Variants in STXBP5 observed in about 807,000 individuals in gnomAD.
STXBP5 encodes syntaxin-binding protein 5.
In STXBP5, 50 loss-of-function variants were observed where a neutral mutation model predicts 152.4. The observed-to-expected ratio is 0.33, with a 90% CI of 0.26 to 0.42. The LOEUF is 0.42. Ranked by LOEUF, STXBP5 falls within the 10% of genes least tolerant of loss-of-function variation. The pLI is 1.00. For missense variants in STXBP5, 1,167 were observed against 1,388.6 expected (o/e 0.84, Z 2.54); for synonymous variants, 492 against 494.7 (o/e 0.99, Z 0.07).
At position 147,262,296 on chromosome 6, in the gene STXBP5, T is replaced by G; in HGVS notation, c.573T>G (p.Ser191=). Residue 191 remains serine, a synonymous_variant, in exon 6 of 28, where the codon TCT becomes TCG. Coordinates refer to ENST00000321680, the MANE Select transcript of STXBP5 (RefSeq NM_001127715.4). ...CTAACTTTTTCTTTTTTAGGTCATCTAAATCTCACCCAGGACCTGTGGTCC... is the reference window on the plus strand; with the variant it reads ...CTAACTTTTTCTTTTTTAGGTCATCGAAATCTCACCCAGGACCTGTGGTCC... The part of the protein sequence containing the change: ...IMWNKAIELS[S]KSHPGPVVHI... 2 of 1,549,310 alleles carry G rather than the reference T, an allele frequency of 1.3e-6. No individual in the cohort carries two copies. The highest frequency in any genetic ancestry group is 1.7e-6 in the Non-Finnish European group (2 of 1,154,402).
chr6:147,308,318 G>A (rs981638501), intron 9 of STXBP5, among the ~76,000 whole-genome samples: 1 of 152,142 alleles, frequency 6.6e-6, no homozygotes, highest in African/African-American at 2.4e-5. Flanking sequence ...TGAATGTATG[G>A]ATATGGTTCT....
At chr6:147,379,260 G>C (rs970244041) in intron 26 of STXBP5, among the ~76,000 whole-genome samples, 3 of 152,080 alleles carry the variant, frequency 2.0e-5, no homozygotes, top group Non-Finnish European at 2.9e-5. Flanking sequence ...CCAGGGATTA[G>C]AATGTAGCCA....
At chr6:147,278,495 A>T (rs754431841) in intron 8 of STXBP5, among the ~76,000 whole-genome samples, 2 of 152,198 alleles carry the variant, frequency 1.3e-5, no homozygotes, top group Non-Finnish European at 2.9e-5. Flanking sequence ...TAGTTTTGTG[A>T]ATGAAAATGA....
chr6:147,264,990 A>G lies in STXBP5; in HGVS notation c.631-2094A>G, dbSNP rs545076702. 3.1e-4 allele frequency among the ~76,000 whole-genome samples: 47 copies of G among 152,086 alleles called. 1 individual carries two copies. Among genetic ancestry groups the G allele is most frequent in the Non-Finnish European group, 4.6e-4 (31 of 67,982 alleles). On this transcript the variant is annotated intron_variant, in intron 6 of 27. Coordinates refer to ENST00000321680, the MANE Select transcript of STXBP5 (RefSeq NM_001127715.4). Reference sequence around the variant, plus strand: ...ATATGGCTATTAAGTGGCAGATTTAATACTAGAACTCAGGTTACTTAGGTC... The same window carrying G: ...ATATGGCTATTAAGTGGCAGATTTAGTACTAGAACTCAGGTTACTTAGGTC...
chr6:147,285,746 T>C (rs1041084258), intron 8 of STXBP5, among the ~76,000 whole-genome samples: 3 of 152,172 alleles, frequency 2.0e-5, no homozygotes, highest in South Asian at 2.1e-4. Context: ...TTTTGCAAGA[T>C]ATAGAAGCTC....
intron 4 of STXBP5, 29 bp downstream of exon 4, chr6:147,239,299 T>C (rs1381873732): frequency 8.3e-6 from 13 of 1,572,662 alleles, no homozygotes; most frequent in East Asian, 2.2e-5. Flanking sequence ...ATCTTATGTA[T>C]AGGATATTTA....
At chr6:147,224,000 T>G (rs1777585883) in intron 2 of STXBP5, among the ~76,000 whole-genome samples, 1 of 152,206 alleles carries the variant, frequency 6.6e-6, no homozygotes, top group African/African-American at 2.4e-5. Flanking sequence ...ACGTGAAATA[T>G]TTGGAAAGGA....
chr6:147,300,470 C>T (rs572814030), intron 9 of STXBP5, among the ~76,000 whole-genome samples: 1 of 152,082 alleles, frequency 6.6e-6, no homozygotes, highest in East Asian at 1.9e-4. Flanking sequence ...GATGCATAGA[C>T]CAATGGTGTG....
chr6:147,249,369 G>T (rs1323408260), intron 4 of STXBP5, among the ~76,000 whole-genome samples: 2 of 152,292 alleles, frequency 1.3e-5, no homozygotes, highest in Admixed American at 1.3e-4. Flanking sequence ...GAACCTGGAA[G>T]AATTTCGAGG....
intron 26 of STXBP5, among the ~76,000 whole-genome samples, chr6:147,378,015 CAATG>C (rs1282327653): frequency 1.3e-5 from 2 of 152,040 alleles, no homozygotes; most frequent in African/African-American, 2.4e-5. Context: ...CCAATTATAA[CAATG>C]AAAGTCGACA....
At chr6:147,305,819 C>T (rs1024168254) in intron 9 of STXBP5, among the ~76,000 whole-genome samples, 4 of 151,966 alleles carry the variant, frequency 2.6e-5, no homozygotes, top group South Asian at 2.1e-4. Context: ...AGGTAGCTCT[C>T]AAGAGCTAAG....
intron 21 of STXBP5, among the ~76,000 whole-genome samples, chr6:147,346,874 T>C (rs1168528875): frequency 6.6e-6 from 1 of 152,166 alleles, no homozygotes; most frequent in Non-Finnish European, 1.5e-5. Flanking sequence ...ACAGCAGGCT[T>C]TCCAGGACTG....
At position 147,204,668 on chromosome 6, in the gene STXBP5, T is replaced by G; in HGVS notation, c.136T>G (p.Phe46Val). The G allele has an allele frequency of 6.2e-7, 1 of 1,602,952 alleles. No homozygotes were observed. The highest frequency in any genetic ancestry group is 1.3e-5 in the African/African-American group (1 of 74,408). Reference protein sequence around the residue: ...EIQETLQSEHFQLCKTVRHGF... With the variant: ...EIQETLQSEHVQLCKTVRHGF... ...CCAGGAAACGCTCCAGTCCGAGCACTTTCAGCTCTGCAAGGTGAACGGAGC... is the reference window on the plus strand; with the variant it reads ...CCAGGAAACGCTCCAGTCCGAGCACGTTCAGCTCTGCAAGGTGAACGGAGC... The change falls in exon 1 of 28, where the codon TTT becomes GTT. Residue 46 changes from phenylalanine to valine, a missense_variant. By Grantham distance (50) the Phe-to-Val change is conservative. Around this residue, in one of 3 missense-constraint regions of STXBP5, gnomAD observed 310 missense variants for 346.1 expected, o/e 0.90. Transcript: ENST00000321680. This position sits in a 1 kb window ranked among gnomAD's most constrained non-coding sequence, Gnocchi z 4.3.
At chr6:147,375,251 A>G (rs1785752667) in intron 26 of STXBP5, among the ~76,000 whole-genome samples, 1 of 152,184 alleles carries the variant, frequency 6.6e-6, no homozygotes, top group Admixed American at 6.5e-5. Flanking sequence ...ACAGACTACA[A>G]AATAATTATC....
chr6:147,299,215 GA>G (rs1349764950), intron 9 of STXBP5, among the ~76,000 whole-genome samples: 1 of 150,670 alleles, frequency 6.6e-6, no homozygotes, highest in African/African-American at 2.4e-5. Flanking sequence ...AAGAAACTAT[GA>G]TGAATAATTA....
At chr6:147,238,856 A>G (rs1778402217) in intron 3 of STXBP5, among the ~76,000 whole-genome samples, 1 of 152,218 alleles carries the variant, frequency 6.6e-6, no homozygotes, top group South Asian at 2.1e-4. Flanking sequence ...AAAGTAACTT[A>G]CAGTCTGACC....
At chr6:147,363,039 G>A (rs1785134443) in intron 23 of STXBP5, among the ~76,000 whole-genome samples, 1 of 152,180 alleles carries the variant, frequency 6.6e-6, no homozygotes, top group African/African-American at 2.4e-5. Flanking sequence ...AGATACTCCA[G>A]CATGTCGTTT....
chr6:147,215,379 TTTTG>T (rs1265289357), intron 2 of STXBP5, among the ~76,000 whole-genome samples: 9 of 152,168 alleles, frequency 5.9e-5, no homozygotes, highest in East Asian at 1.9e-4. Flanking sequence ...AGTAATTTTT[TTTTG>T]TTTGTTTGTT....
chr6:147,288,515 T>G (rs958188968), intron 8 of STXBP5, among the ~76,000 whole-genome samples: 1 of 152,164 alleles, frequency 6.6e-6, no homozygotes, highest in Non-Finnish European at 1.5e-5. Flanking sequence ...TTTTTCATCT[T>G]GTTAGTGGCT....
Sources: gnomAD v4.1 joint callset for allele counts (sites outside exome capture counted in the v4.1 genomes callset) on GRCh38, gnomAD v4.1.1 for gene constraint, gnomAD v4.1.1 regional missense constraint, Gnocchi (gnomAD v3.1) non-coding constraint, MANE v1.5 for transcripts, NCBI Gene and HGNC (gene_info 2026-07-23, HGNC 2026-07-21) for gene names.